PDE4B: variants seen among roughly 807,000 people sequenced by gnomAD.
PDE4B encodes phosphodiesterase 4B.
Under a neutral mutation model 82.2 loss-of-function variants are expected in PDE4B, and 20 were observed. The observed-to-expected ratio is 0.24, with a 90% CI of 0.17 to 0.35. The LOEUF is 0.35. PDE4B is among the 10% of genes least tolerant of loss of function. The pLI, the probability that PDE4B is intolerant of heterozygous loss-of-function variation, is 1.00. For synonymous variants in PDE4B, 320 were observed against 318.9 expected (o/e 1.00, Z -0.04); for missense variants, 655 against 907.2 (o/e 0.72, Z 3.57).
Position 66,252,774 on chromosome 1 carries a change from C to CA in PDE4B, c.477-4867dup, listed in dbSNP as rs1653890106. 1.3e-5 allele frequency among the ~76,000 whole-genome samples: 2 copies of CA among 152,058 alleles called. 1 individual carries two copies. Among genetic ancestry groups the CA allele is most frequent in the African/African-American group, 4.8e-5 (2 of 41,392 alleles). On this transcript the variant is annotated intron_variant, in intron 4 of 16. Coordinates refer to ENST00000341517, the MANE Select transcript of PDE4B (RefSeq NM_002600.4). Reference sequence around the variant, plus strand: ...ACAACGTGGCGAAGCCCTGTCTCTACAAAAAATACAAAAACTTAGCTAGGA... The same window carrying CA: ...ACAACGTGGCGAAGCCCTGTCTCTACAAAAAAATACAAAAACTTAGCTAGGA...
intron 3 of PDE4B, among the ~76,000 whole-genome samples, chr1:66,071,158 T>C (rs1656137581): frequency 6.6e-6 from 1 of 152,106 alleles, no homozygotes; most frequent in African/African-American, 2.4e-5. Flanking sequence ...TTCCAAGCAT[T>C]TTGATACAAT....
At chr1:66,284,417 T>C (rs1656520723) in intron 7 of PDE4B, among the ~76,000 whole-genome samples, 4 of 152,166 alleles carry the variant, frequency 2.6e-5, no homozygotes, top group South Asian at 4.1e-4. Context: ...AGATATATGA[T>C]TTGAACTCTG....
intron 14 of PDE4B, 28 bp from the exon 15 acceptor site, chr1:66,367,915 A>T (rs373319016): frequency 5.1e-5 from 82 of 1,613,034 alleles, no homozygotes; most frequent in Non-Finnish European, 6.9e-5. Context: ...TGAATTTATT[A>T]AGAGTTTTCA....
intron 1 of PDE4B, among the ~76,000 whole-genome samples, chr1:65,806,389 CAATT>C (rs900721035): frequency 9.2e-5 from 14 of 152,174 alleles, no homozygotes; most frequent in Admixed American, 7.2e-4. Context: ...ATCACTTACA[CAATT>C]AATTTTATTT....
At chr1:66,267,948 GA>G (rs1162416278) in intron 7 of PDE4B, among the ~76,000 whole-genome samples, 2 of 152,152 alleles carry the variant, frequency 1.3e-5, no homozygotes, top group Non-Finnish European at 2.9e-5. Context: ...AAAGGGGAAT[GA>G]AAAATAACTG....
intron 3 of PDE4B, among the ~76,000 whole-genome samples, chr1:66,090,621 A>ATATATATATATATATATGTGTGTGTG: frequency 4.7e-4 from 58 of 122,602 alleles, no homozygotes; most frequent in African/African-American, 2.1e-3. Context: ...TATATAATAT[A>ATATATATATATATATATGTGTGTGTG]TGTGTGTGTG....
chr1:66,346,015 G>A (rs767850877), intron 8 of PDE4B, among the ~76,000 whole-genome samples: 1 of 152,142 alleles, frequency 6.6e-6, no homozygotes, highest in Non-Finnish European at 1.5e-5. Context: ...CTCTCAAAAA[G>A]TCTGCATCCT....
At chr1:65,986,799 A>G (rs1404175406) in intron 3 of PDE4B, among the ~76,000 whole-genome samples, 2 of 152,172 alleles carry the variant, frequency 1.3e-5, no homozygotes, top group Non-Finnish European at 2.9e-5. Flanking sequence ...TAAACAAGTA[A>G]TTAATATTAT....
At chr1:65,836,991 C>T (rs530075282) in intron 1 of PDE4B, among the ~76,000 whole-genome samples, 9 of 152,140 alleles carry the variant, frequency 5.9e-5, no homozygotes, top group South Asian at 2.1e-4. Flanking sequence ...TTTTTACTTC[C>T]GCCATACTTC....
chr1:66,265,178 G>C lies in PDE4B; in HGVS notation c.585-860G>C, dbSNP rs371764425. On this transcript the variant is annotated intron_variant, in intron 6 of 16. Transcript: ENST00000341517. ...CAGGCCTACTGAATCAGCAACTCTG[G>C]GGGTAGGGCCCAGCAGTGTGTCTGA... is the stretch of plus-strand genomic sequence containing the variant. Among the ~76,000 whole-genome samples the C allele has an allele frequency of 6.6e-5, 10 of 152,164 alleles. No individual in the cohort carries two copies. In the East Asian group the frequency reaches 1.5e-3, roughly 23 times the overall value.
chr1:66,037,565 A>C (rs1396810967), intron 3 of PDE4B, among the ~76,000 whole-genome samples: 1 of 152,112 alleles, frequency 6.6e-6, no homozygotes, highest in Admixed American at 6.6e-5. Flanking sequence ...TCAGCAAATG[A>C]AGATGATTTT....
chr1:65,881,631 A>G (rs928532479), intron 1 of PDE4B, among the ~76,000 whole-genome samples: 1 of 152,176 alleles, frequency 6.6e-6, no homozygotes, highest in African/African-American at 2.4e-5. Flanking sequence ...ATAATTGCCA[A>G]TACGACCCAC....
chr1:65,905,490 A>G (rs2100435197), intron 1 of PDE4B, among the ~76,000 whole-genome samples: 1 of 152,270 alleles, frequency 6.6e-6, no homozygotes, highest in South Asian at 2.1e-4. Flanking sequence ...AAAGTCAAGC[A>G]GGGACCAGAT....
At chr1:66,257,379 A>G (rs371648146) in intron 4 of PDE4B, 1 of 617,258 alleles carries the variant, frequency 1.6e-6, no homozygotes. Flanking sequence ...TTTAATGGGA[A>G]TATATCCTGA....
chr1:66,039,941 A>T (rs1296225221), intron 3 of PDE4B, among the ~76,000 whole-genome samples: 2 of 152,012 alleles, frequency 1.3e-5, no homozygotes, highest in Non-Finnish European at 2.9e-5. Flanking sequence ...TGGACAACTG[A>T]GAGAAAAGTC....
At chr1:66,245,341 C>G (rs1277398111) in intron 3 of PDE4B, among the ~76,000 whole-genome samples, 1 of 152,156 alleles carries the variant, frequency 6.6e-6, no homozygotes, top group East Asian at 1.9e-4. Context: ...CATGAAATTT[C>G]TAAACTCATG....
chr1:66,272,685 C>G (rs1038404214), intron 7 of PDE4B, among the ~76,000 whole-genome samples: 2 of 151,640 alleles, frequency 1.3e-5, no homozygotes, highest in Non-Finnish European at 2.9e-5. Context: ...TTCCATCATC[C>G]TGTACCTAAA....
intron 3 of PDE4B, among the ~76,000 whole-genome samples, chr1:66,073,916 T>C (rs916069447): frequency 6.6e-6 from 1 of 152,052 alleles, no homozygotes; most frequent in South Asian, 2.1e-4. Context: ...GAGATAATAG[T>C]GTGGAAAGGA....
chr1:66,080,645 A>G (rs1164439790), intron 3 of PDE4B, among the ~76,000 whole-genome samples: 1 of 152,134 alleles, frequency 6.6e-6, no homozygotes, highest in Non-Finnish European at 1.5e-5. Context: ...CTTAGAGGCA[A>G]CATCAAGGTG....
Sources: gnomAD v4.1 joint callset for allele counts (sites outside exome capture counted in the v4.1 genomes callset) on GRCh38, gnomAD v4.1.1 for gene constraint, MANE v1.5 for transcripts, NCBI Gene and HGNC (gene_info 2026-07-23, HGNC 2026-07-21) for gene names.